RBMS3: variants seen among roughly 807,000 people sequenced by gnomAD.
The protein encoded by RBMS3 is RNA-binding motif, single-stranded-interacting protein 3.
RBMS3 carries 27 observed loss-of-function variants against 66.8 expected under a neutral mutation model. The ratio of observed to expected loss-of-function variants is 0.40; its 90% CI spans 0.30 to 0.56. RBMS3 has a LOEUF of 0.56. Ranked by LOEUF, RBMS3 falls within the 20% of genes least tolerant of loss-of-function variation. RBMS3 has a pLI of 0.40. For missense variants in RBMS3, 513 were observed against 549.5 expected, an observed-to-expected ratio of 0.93 and a Z score of 0.66; for synonymous variants, 188 against 183.0, an observed-to-expected ratio of 1.03 and a Z score of -0.22.
intron 12 of RBMS3, among the ~76,000 whole-genome samples, chr3:29,958,553 TGA>T (rs1168966945): frequency 1.3e-5 from 2 of 152,152 alleles, no homozygotes; most frequent in Non-Finnish European, 2.9e-5. Context: ...AGGCAAAATC[TGA>T]GAGTTTTTTT....
At chr3:29,795,474 A>G (rs1168127871) in intron 6 of RBMS3, among the ~76,000 whole-genome samples, 2 of 152,186 alleles carry the variant, frequency 1.3e-5, no homozygotes, top group Non-Finnish European at 2.9e-5. Flanking sequence ...TGATTTGTTT[A>G]CTAATTAATT....
At chr3:29,638,082 T>C (rs945444652) in intron 4 of RBMS3, among the ~76,000 whole-genome samples, 1 of 151,874 alleles carries the variant, frequency 6.6e-6, no homozygotes, top group African/African-American at 2.4e-5. Flanking sequence ...GGTCAAGGTA[T>C]GTTTGAGTGT....
chr3:29,689,087 A>G (rs2051861466), intron 4 of RBMS3, among the ~76,000 whole-genome samples: 1 of 151,612 alleles, frequency 6.6e-6, no homozygotes, highest in South Asian at 2.1e-4. Flanking sequence ...CTATTTCTAT[A>G]TACCTATATA....
chr3:29,624,668 T>C (rs1473787614), intron 4 of RBMS3, among the ~76,000 whole-genome samples: 1 of 152,162 alleles, frequency 6.6e-6, no homozygotes, highest in Non-Finnish European at 1.5e-5. Context: ...CATAGTTATA[T>C]ACGTCTTATG....
intron 3 of RBMS3, among the ~76,000 whole-genome samples, chr3:29,570,116 A>G (rs1250971246): frequency 6.6e-6 from 1 of 152,130 alleles, no homozygotes; most frequent in Non-Finnish European, 1.5e-5. Flanking sequence ...TATTGGCTGA[A>G]TTACTATAAT....
At chr3:29,299,099 C>T (rs537163076) in intron 1 of RBMS3, among the ~76,000 whole-genome samples, 1 of 151,736 alleles carries the variant, frequency 6.6e-6, no homozygotes, top group African/African-American at 2.4e-5. Flanking sequence ...GCAAGTAGAC[C>T]CTTAAAGGGA....
At chr3:29,728,086 C>T (rs1165759626) in intron 4 of RBMS3, among the ~76,000 whole-genome samples, 1 of 151,998 alleles carries the variant, frequency 6.6e-6, no homozygotes, top group Admixed American at 6.6e-5. Context: ...AGCTATCATT[C>T]TCAGTAAACT....
At chr3:29,397,939 A>AT (rs1442127922) in intron 1 of RBMS3, among the ~76,000 whole-genome samples, 1 of 152,196 alleles carries the variant, frequency 6.6e-6, no homozygotes, top group Non-Finnish European at 1.5e-5. Flanking sequence ...GAATAAATAA[A>AT]AGATGCTTCC....
chr3:29,801,001 G>T (rs536456698), intron 6 of RBMS3, among the ~76,000 whole-genome samples: 1 of 119,468 alleles, frequency 8.4e-6, no homozygotes, highest in African/African-American at 3.1e-5. Context: ...GTGCACACAC[G>T]CATGCACACA....
At chr3:29,942,808 CTTT>C (rs558929331) in intron 11 of RBMS3, among the ~76,000 whole-genome samples, 2 of 130,912 alleles carry the variant, frequency 1.5e-5, no homozygotes. Context: ...CAATAATTAA[CTTT>C]TTTTTTTTTT....
At chr3:29,933,773 T>C (rs1044875032) in intron 10 of RBMS3, 2 of 152,184 alleles carry the variant, frequency 1.3e-5, no homozygotes, top group African/African-American at 4.8e-5. Flanking sequence ...TTCCAATTAA[T>C]GATAAATCCC....
chr3:29,815,191 T>G (rs957246015), intron 6 of RBMS3, among the ~76,000 whole-genome samples: 1 of 152,220 alleles, frequency 6.6e-6, no homozygotes, highest in African/African-American at 2.4e-5. Flanking sequence ...TTACTTTAGA[T>G]GCAGGAACCA....
chr3:29,486,134 C>G (rs2043308953), intron 2 of RBMS3, among the ~76,000 whole-genome samples: 1 of 151,998 alleles, frequency 6.6e-6, no homozygotes, highest in African/African-American at 2.4e-5. Flanking sequence ...TAAAAAAAAT[C>G]TAAACCTTAT....
chr3:29,626,752 A>G (rs2049076709), intron 4 of RBMS3, among the ~76,000 whole-genome samples: 1 of 152,178 alleles, frequency 6.6e-6, no homozygotes, highest in Non-Finnish European at 1.5e-5. Flanking sequence ...TAATATAGTA[A>G]ATAGAACAAG....
intron 2 of RBMS3, among the ~76,000 whole-genome samples, chr3:29,472,391 T>C (rs796634414): frequency 3.9e-5 from 6 of 152,188 alleles, no homozygotes; most frequent in African/African-American, 1.4e-4. Flanking sequence ...AGATGGCATT[T>C]TACCATGTTG....
chr3:29,779,419 T>C (rs1301342998), intron 6 of RBMS3, among the ~76,000 whole-genome samples: 1 of 151,600 alleles, frequency 6.6e-6, no homozygotes, highest in Non-Finnish European at 1.5e-5. Flanking sequence ...ATCTGTATAG[T>C]ATCCTTTCTT....
At chr3:29,361,709 T>C (rs1217332441) in intron 1 of RBMS3, among the ~76,000 whole-genome samples, 2 of 152,234 alleles carry the variant, frequency 1.3e-5, no homozygotes, top group African/African-American at 4.8e-5. Flanking sequence ...TTTGGTCTTT[T>C]CACATAGTCC....
intron 6 of RBMS3, among the ~76,000 whole-genome samples, chr3:29,793,675 T>G (rs1395709086): frequency 6.6e-6 from 1 of 152,270 alleles, no homozygotes; most frequent in Non-Finnish European, 1.5e-5. Flanking sequence ...GGTAATCAGA[T>G]GAGAATCATG....
At chr3:29,353,416 G>A (rs1477516428) in intron 1 of RBMS3, among the ~76,000 whole-genome samples, 2 of 151,868 alleles carry the variant, frequency 1.3e-5, no homozygotes, top group South Asian at 2.1e-4. Flanking sequence ...TGCGTTAAAG[G>A]AGTATAGATT....
Sources: allele counts gnomAD v4.1 joint callset (sites outside exome capture counted in the v4.1 genomes callset), GRCh38; gene constraint gnomAD v4.1.1; transcripts MANE v1.5; gene names NCBI Gene and HGNC (gene_info 2026-07-23, HGNC 2026-07-21).